MBOAT1: variants seen among roughly 807,000 people sequenced by gnomAD.
The protein encoded by MBOAT1 is membrane bound glycerophospholipid O-acyltransferase 1.
A neutral mutation model predicts 64.4 loss-of-function variants in MBOAT1; 67 were observed. The ratio of observed to expected loss-of-function variants is 1.04; its 90% CI spans 0.85 to 1.27. The LOEUF (loss-of-function observed/expected upper bound fraction) is 1.27. Ranked by LOEUF, MBOAT1 falls within the 50% of genes most tolerant of loss-of-function variation. The pLI, the probability that MBOAT1 is intolerant of heterozygous loss-of-function variation, is 0.00. For missense variants in MBOAT1, 563 were observed against 604.6 expected (o/e 0.93, Z 0.72); for synonymous variants, 229 against 218.9 (o/e 1.05, Z -0.41).
intron 1 of MBOAT1, among the ~76,000 whole-genome samples, chr6:20,206,165 T>C (rs13215065): frequency 0.44 from 66,318 of 151,904 alleles, 15,758 homozygotes; most frequent in South Asian, 0.54. Flanking sequence ...ACTGCTGCTT[T>C]GCACTGTTTT....
chr6:20,206,280 T>C (rs1249823228), intron 1 of MBOAT1, among the ~76,000 whole-genome samples: 1 of 152,190 alleles, frequency 6.6e-6, no homozygotes, highest in Non-Finnish European at 1.5e-5. Context: ...TTCAAGTGAT[T>C]CTCTTGCCTC....
intron 1 of MBOAT1, among the ~76,000 whole-genome samples, chr6:20,159,196 G>C (rs1304867539): frequency 1.3e-5 from 2 of 152,006 alleles, no homozygotes; most frequent in Non-Finnish European, 2.9e-5. Context: ...GGCCTGTTAG[G>C]AACCAGGCCA....
rs968106192 is a variant in MBOAT1, at chr6:20,101,863, C to G, written c.*423G>C. Among the ~76,000 whole-genome samples, 3 of 152,030 alleles carry G rather than the reference C, an allele frequency of 2.0e-5. No homozygotes were observed. Among genetic ancestry groups the G allele is most frequent in the African/African-American group, 4.8e-5 (2 of 41,404 alleles). On this transcript the variant is annotated 3_prime_UTR_variant, in exon 13 of 13. Transcript: ENST00000324607. Reference sequence around the variant, plus strand: ...GGGCGCGGTGGCTCACGCCTGTAATCCCAGCACTTTGGGAGGCCGAGGCGG... The same window carrying G: ...GGGCGCGGTGGCTCACGCCTGTAATGCCAGCACTTTGGGAGGCCGAGGCGG...
At chr6:20,113,735 G>T (rs552701218) in intron 10 of MBOAT1, among the ~76,000 whole-genome samples, 1 of 151,478 alleles carries the variant, frequency 6.6e-6, no homozygotes, top group African/African-American at 2.4e-5. Flanking sequence ...CTCAGTCTAT[G>T]AATTGCCAAC....
At chr6:20,198,410 G>T (rs1763023136) in intron 1 of MBOAT1, among the ~76,000 whole-genome samples, 1 of 152,128 alleles carries the variant, frequency 6.6e-6, no homozygotes, top group South Asian at 2.1e-4. Context: ...ACATAACAAA[G>T]GTGCTCTCTA....
intron 1 of MBOAT1, among the ~76,000 whole-genome samples, chr6:20,209,231 C>T (rs1763350527): frequency 6.6e-6 from 1 of 152,296 alleles, no homozygotes; most frequent in African/African-American, 2.4e-5. Context: ...AAGTCATCAT[C>T]CCATTTCCTG....
intron 6 of MBOAT1, among the ~76,000 whole-genome samples, chr6:20,127,167 CCA>C (rs1318953747): frequency 6.6e-6 from 1 of 152,164 alleles, no homozygotes; most frequent in African/African-American, 2.4e-5. Context: ...CTGAAAGAGG[CCA>C]CGCAGAAGAA....
chr6:20,150,750 T>G (rs1006790324), intron 3 of MBOAT1, among the ~76,000 whole-genome samples: 5 of 150,950 alleles, frequency 3.3e-5, no homozygotes, highest in East Asian at 3.9e-4. Context: ...GGTTTTTTTT[T>G]TTTGTATTTT....
In MBOAT1 at chr6:20,199,540, CT is replaced by C. The variant is rs1763060238; in HGVS notation, c.99+12595del. ...AACAAAAAACTTAGTCTTTTACTTC[CT>C]TTTTGTAAACTCCCAGTCTGCATAC... On this transcript the variant is annotated intron_variant, in intron 1 of 12. Transcript: ENST00000324607. Among the ~76,000 whole-genome samples the C allele has an allele frequency of 2.0e-5, 3 of 152,216 alleles. No homozygotes were observed. The South Asian group carries it at 6.2e-4, about 32-fold the overall frequency.
chr6:20,177,419 C>T (rs1762374055), intron 1 of MBOAT1, among the ~76,000 whole-genome samples: 2 of 152,230 alleles, frequency 1.3e-5, no homozygotes, highest in South Asian at 4.1e-4. Flanking sequence ...GTCTTGAACT[C>T]CTGGGCTAAA....
intron 12 of MBOAT1, among the ~76,000 whole-genome samples, chr6:20,106,822 T>G (rs911649938): frequency 6.6e-6 from 1 of 152,148 alleles, no homozygotes; most frequent in Non-Finnish European, 1.5e-5. Context: ...TCATCTAAAA[T>G]AGGCCTACTT....
chr6:20,109,474 T>C lies in MBOAT1; in HGVS notation c.1361+124A>G. ...TCCTCTTAAAGCTTCTATGGACACT[T>C]CCCACACTGAAGCCCCAGTTAGAAG... On this transcript the variant is annotated intron_variant, in intron 12 of 12. Coordinates refer to ENST00000324607, the MANE Select transcript of MBOAT1 (RefSeq NM_001080480.3). 3 of 1,213,064 alleles carry C rather than the reference T, an allele frequency of 2.5e-6. No individual in the cohort carries two copies. In the Admixed American group the frequency reaches 6.9e-5, roughly 28 times the overall value. 75.1% of individuals were successfully genotyped at this position (1,213,064 alleles called of 1,614,324 possible). A position where few individuals can be genotyped will look rare whatever the true frequency, so the allele number is the denominator to read the frequency against.
At chr6:20,184,542 G>A (rs978808492) in intron 1 of MBOAT1, among the ~76,000 whole-genome samples, 9 of 152,068 alleles carry the variant, frequency 5.9e-5, no homozygotes, top group Admixed American at 1.3e-4. Context: ...ACAAGCCCCT[G>A]TGTGTCTATA....
Position 20,171,896 on chromosome 6 carries a change from T to C in MBOAT1, c.100-19127A>G, listed in dbSNP as rs74983379. Among the ~76,000 whole-genome samples the C allele has an allele frequency of 5.8e-3, 872 of 150,218 alleles. 11 individuals carry two copies. Among genetic ancestry groups the C allele is most frequent in the African/African-American group, 0.019 (774 of 40,916 alleles). ...AAAAATTAAAATAATTAGCCAGATG[T>C]GGTGCGCTCACCTGTAGTCCCAGCT... On this transcript the variant is annotated intron_variant, in intron 1 of 12. Coordinates refer to ENST00000324607, the MANE Select transcript of MBOAT1 (RefSeq NM_001080480.3).
At chr6:20,164,206 A>C (rs934241647) in intron 1 of MBOAT1, among the ~76,000 whole-genome samples, 23 of 119,322 alleles carry the variant, frequency 1.9e-4, no homozygotes, top group Non-Finnish European at 3.0e-4. Flanking sequence ...CACACACACA[A>C]ACACACCCCA....
In MBOAT1 at chr6:20,101,154, A is replaced by G. The variant is rs1759775959; in HGVS notation, c.*1132T>C. Among the ~76,000 whole-genome samples the G allele has an allele frequency of 6.6e-6, 1 of 152,166 alleles. No individual in the cohort carries two copies. ...TTCTATATAACTTCAAATTACTTTA[A>G]AAAAATTTCCTAAAAGGCATTCTGC... is the stretch of plus-strand genomic sequence containing the variant. On this transcript the variant is annotated 3_prime_UTR_variant, in exon 13 of 13. Coordinates refer to ENST00000324607, the MANE Select transcript of MBOAT1 (RefSeq NM_001080480.3).
intron 1 of MBOAT1, among the ~76,000 whole-genome samples, chr6:20,209,384 C>T (rs1179192316): frequency 6.6e-6 from 1 of 152,180 alleles, no homozygotes; most frequent in Non-Finnish European, 1.5e-5. Flanking sequence ...GTCCTAACCA[C>T]ACACAGGCTT....
chr6:20,202,351 C>CGTTTT (rs57845369), intron 1 of MBOAT1, among the ~76,000 whole-genome samples: 9 of 151,572 alleles, frequency 5.9e-5, no homozygotes, highest in Non-Finnish European at 1.2e-4. Flanking sequence ...CCCTGGTTTT[C>CGTTTT]GTTTTGTTTT....
At chr6:20,173,200 TA>T (rs1365881504) in intron 1 of MBOAT1, among the ~76,000 whole-genome samples, 4 of 152,198 alleles carry the variant, frequency 2.6e-5, no homozygotes, top group African/African-American at 9.7e-5. Context: ...TTTGTTTTAC[TA>T]AATTACCCAC....
Sources: allele counts gnomAD v4.1 joint callset (sites outside exome capture counted in the v4.1 genomes callset), GRCh38; gene constraint gnomAD v4.1.1; transcripts MANE v1.5; gene names NCBI Gene and HGNC (gene_info 2026-07-23, HGNC 2026-07-21).